The following DHRS3 variants were observed in gnomAD, a reference collection of about 807,000 sequenced individuals.
The protein encoded by DHRS3 is short-chain dehydrogenase/reductase 3.
DHRS3 carries 14 observed loss-of-function variants against 27.2 expected under a neutral mutation model. The observed-to-expected ratio is 0.52, with a 90% CI of 0.34 to 0.81. DHRS3 has a LOEUF of 0.81. Among genes scored for constraint, DHRS3 ranks in the 30% least tolerant of loss-of-function variants. The pLI is 0.01. For missense variants in DHRS3, 322 were observed against 406.2 expected (o/e 0.79, Z 1.78); for synonymous variants, 165 against 175.9 (o/e 0.94, Z 0.49).
At chr1:12,585,255 C>G (rs55727911) in intron 1 of DHRS3, among the ~76,000 whole-genome samples, 86 of 18,846 alleles carry the variant, frequency 4.6e-3, no homozygotes, top group African/African-American at 0.016. Context: ...CTCTGTGTCT[C>G]TGAGTGTGTG....
chr1:12,596,814 A>C (rs1646801028), intron 1 of DHRS3, among the ~76,000 whole-genome samples: 1 of 152,006 alleles, frequency 6.6e-6, no homozygotes, highest in Non-Finnish European at 1.5e-5. Flanking sequence ...ACCAAACCGC[A>C]GGGCCGGTCA....
At chr1:12,570,851 C>A (rs1364771918) in intron 5 of DHRS3, among the ~76,000 whole-genome samples, 2 of 152,194 alleles carry the variant, frequency 1.3e-5, no homozygotes, top group Non-Finnish European at 2.9e-5. Context: ...CCCCTGGGTG[C>A]CCCCTTCCCT....
At chr1:12,616,959 A>T (rs1570408243) in intron 1 of DHRS3, among the ~76,000 whole-genome samples, 195 bp downstream of exon 1, 1 of 152,154 alleles carries the variant, frequency 6.6e-6, no homozygotes, top group Admixed American at 6.5e-5. Context: ...TCAACTCTGA[A>T]CCTGCCAAAA....
chr1:12,593,464 A>G lies in DHRS3; in HGVS notation c.196-12798T>C, dbSNP rs1570383702. ...AGTGATCCTCCTGCCTCAGTCTCCC[A>G]AAGTGCTGGGATTACAGGAGTGAGG... On this transcript the variant is annotated intron_variant, in intron 1 of 5. Transcript: ENST00000616661. This position sits in a 1 kb window ranked among gnomAD's most constrained non-coding sequence, Gnocchi z 4.6. Among the ~76,000 whole-genome samples the G allele has an allele frequency of 6.6e-6, 1 of 152,082 alleles. No individual in the cohort carries two copies. The highest frequency in any genetic ancestry group is 1.9e-4 in the East Asian group (1 of 5,190).
At chr1:12,606,743 C>T (rs1646874430) in intron 1 of DHRS3, among the ~76,000 whole-genome samples, 1 of 152,070 alleles carries the variant, frequency 6.6e-6, no homozygotes, top group Non-Finnish European at 1.5e-5. Context: ...GATCCGCCCG[C>T]CTCAGCCTCC....
chr1:12,580,483 G>A lies in DHRS3; in HGVS notation c.339+40C>T, dbSNP rs1416190618. The A allele has an allele frequency of 3.1e-6, 5 of 1,613,754 alleles. No homozygotes were observed. In the South Asian group the frequency reaches 5.5e-5, roughly 18 times the overall value. ...TTCTCTTTGCCCGGAATTAGCCTGTGGTCAGCTGTGCTAGGAATAGACCCT... is the reference window on the plus strand; with the variant it reads ...TTCTCTTTGCCCGGAATTAGCCTGTAGTCAGCTGTGCTAGGAATAGACCCT... On this transcript the variant is annotated intron_variant, in intron 2 of 5. Coordinates refer to ENST00000616661, the MANE Select transcript of DHRS3 (RefSeq NM_004753.7).
At chr1:12,596,983 C>T (rs1255292048) in intron 1 of DHRS3, among the ~76,000 whole-genome samples, 1 of 152,044 alleles carries the variant, frequency 6.6e-6, no homozygotes, top group East Asian at 1.9e-4. Context: ...ATAGTCCCCC[C>T]TGGCTCAAGG....
intron 2 of DHRS3, 54 bp from the exon 3 acceptor site, chr1:12,579,466 GAT>G (rs1646625247): frequency 4.4e-6 from 7 of 1,590,508 alleles, no homozygotes; most frequent in Non-Finnish European, 6.0e-6. Flanking sequence ...CAGGGCCAAC[GAT>G]ATATGTTTTT....
chr1:12,577,127 G>C (rs1391730086), intron 4 of DHRS3, among the ~76,000 whole-genome samples: 1 of 152,000 alleles, frequency 6.6e-6, no homozygotes, highest in East Asian at 1.9e-4. Flanking sequence ...GGAAGCAGCT[G>C]CAATATATAA....
intron 1 of DHRS3, among the ~76,000 whole-genome samples, chr1:12,589,010 G>A (rs1183836347): frequency 6.6e-6 from 1 of 152,242 alleles, no homozygotes; most frequent in African/African-American, 2.4e-5. Flanking sequence ...GGTGGGGTGG[G>A]AAGGTCACAG....
rs184879640 is a variant in DHRS3, at chr1:12,592,386, G to C, written c.196-11720C>G. On this transcript the variant is annotated intron_variant, in intron 1 of 5. Coordinates refer to ENST00000616661, the MANE Select transcript of DHRS3 (RefSeq NM_004753.7). The surrounding 1 kb of genome is among the most constrained non-coding windows in gnomAD (Gnocchi z 4.2). ...CTCAAAGTGAGATCACCCTGGGTTA[G>C]GGTGGGCTCTGAGTCTAAGGACTAG... Among the ~76,000 whole-genome samples the C allele has an allele frequency of 1.3e-5, 2 of 152,168 alleles. No homozygotes were observed. The highest frequency in any genetic ancestry group is 4.8e-5 in the African/African-American group (2 of 41,474).
chr1:12,587,853 T>TC (rs1191396820), intron 1 of DHRS3, among the ~76,000 whole-genome samples: 3 of 152,226 alleles, frequency 2.0e-5, no homozygotes, highest in Admixed American at 2.0e-4. Context: ...CAACCCCTTG[T>TC]CCCCCAGCCC....
intron 1 of DHRS3, among the ~76,000 whole-genome samples, chr1:12,588,036 T>TG (rs1458924749): frequency 6.6e-6 from 1 of 152,254 alleles, no homozygotes; most frequent in Non-Finnish European, 1.5e-5. Context: ...CACGGCCATT[T>TG]GGGGTCTATA....
rs1401047757 is a variant in DHRS3, at chr1:12,574,126, A to T, written c.699-1273T>A. Among the ~76,000 whole-genome samples, 1 of 152,056 alleles carries T rather than the reference A, an allele frequency of 6.6e-6. No individual in the cohort carries two copies. The highest frequency in any genetic ancestry group is 6.6e-5 in the Admixed American group (1 of 15,260). ...TGGCCTCAGAGGGTACATGAATCTT[A>T]CCCCCTGCCCTGTAATTCCTTTGTC... On this transcript the variant is annotated intron_variant, in intron 4 of 5. Coordinates refer to ENST00000616661, the MANE Select transcript of DHRS3 (RefSeq NM_004753.7). The surrounding 1 kb of genome is among the most constrained non-coding windows in gnomAD (Gnocchi z 4.6).
In DHRS3 at chr1:12,594,640, G is replaced by A. The variant is rs929209962; in HGVS notation, c.196-13974C>T. 1.3e-5 allele frequency among the ~76,000 whole-genome samples: 2 copies of A among 152,096 alleles called. No homozygotes were observed. Among genetic ancestry groups the A allele is most frequent in the African/African-American group, 4.8e-5 (2 of 41,400 alleles). On this transcript the variant is annotated intron_variant, in intron 1 of 5. Transcript: ENST00000616661. This position sits in a 1 kb window ranked among gnomAD's most constrained non-coding sequence, Gnocchi z 4.1. ...GTGAAGGAGGGAGCGATACAGACGC[G>A]TGGAGGAAGAGCATCCCTGGTGGAG... is the stretch of plus-strand genomic sequence containing the variant.
At chr1:12,572,929 A>G (rs1323602201) in intron 4 of DHRS3, 76 bp from the exon 5 acceptor site, 6 of 1,480,060 alleles carry the variant, frequency 4.1e-6, no homozygotes, top group Non-Finnish European at 5.4e-6. Flanking sequence ...TGAGGCTGAC[A>G]TGTCTGGGTC....
chr1:12,609,437 A>G (rs1646892377), intron 1 of DHRS3, among the ~76,000 whole-genome samples: 1 of 152,040 alleles, frequency 6.6e-6, no homozygotes. Flanking sequence ...CCCCTCCAAC[A>G]GTGGCACCCC....
chr1:12,588,412 GACTC>G, intron 1 of DHRS3, among the ~76,000 whole-genome samples: 1 of 152,218 alleles, frequency 6.6e-6, no homozygotes, highest in East Asian at 1.9e-4. Context: ...GACAGACAGT[GACTC>G]ACCCAAGGTC....
chr1:12,584,342 C>T (rs980276594), intron 1 of DHRS3, among the ~76,000 whole-genome samples: 10 of 152,098 alleles, frequency 6.6e-5, no homozygotes, highest in East Asian at 1.9e-4. Context: ...CACTGTCTTC[C>T]GTGGGCCAGG....
Sources: gnomAD v4.1 joint callset for allele counts (sites outside exome capture counted in the v4.1 genomes callset) on GRCh38, gnomAD v4.1.1 for gene constraint, Gnocchi (gnomAD v3.1) non-coding constraint, MANE v1.5 for transcripts, NCBI Gene and HGNC (gene_info 2026-07-23, HGNC 2026-07-21) for gene names.